The following TRIM44 variants were observed in gnomAD, a reference collection of about 807,000 sequenced individuals.
The protein encoded by TRIM44 is tripartite motif containing 44, also known as tripartite motif-containing protein 44.
TRIM44 carries 13 observed loss-of-function variants against 37.4 expected under a neutral mutation model. That is an observed-to-expected ratio of 0.35 (90% CI 0.23 to 0.55). The LOEUF is 0.55. Among genes scored for constraint, TRIM44 ranks in the 20% least tolerant of loss-of-function variants. The pLI, the probability that TRIM44 is intolerant of heterozygous loss-of-function variation, is 0.89. For synonymous variants in TRIM44, 175 were observed against 157.2 expected (o/e 1.11, Z -0.85); for missense variants, 426 against 437.2 (o/e 0.97, Z 0.23).
chr11:35,775,801 C>T (rs1392829249), intron 4 of TRIM44, among the ~76,000 whole-genome samples: 2 of 152,146 alleles, frequency 1.3e-5, no homozygotes, highest in South Asian at 2.1e-4. Flanking sequence ...GAACCAGCCT[C>T]ACATCCCAGG....
chr11:35,775,769 T>C (rs775368731), intron 4 of TRIM44, among the ~76,000 whole-genome samples: 4 of 152,276 alleles, frequency 2.6e-5, no homozygotes, highest in South Asian at 2.1e-4. Flanking sequence ...TGCTGGATTA[T>C]GTTTATTGAT....
At chr11:35,733,429 A>T (rs961338442) in intron 3 of TRIM44, among the ~76,000 whole-genome samples, 9 of 152,220 alleles carry the variant, frequency 5.9e-5, no homozygotes, top group Admixed American at 3.9e-4. Context: ...TATGTCATTC[A>T]TAGTTATGTA....
At chr11:35,737,324 C>G (rs1427643329) in intron 4 of TRIM44, among the ~76,000 whole-genome samples, 3 of 152,102 alleles carry the variant, frequency 2.0e-5, no homozygotes, top group African/African-American at 7.2e-5. Context: ...TTAACCTGAA[C>G]AGATTTGCAT....
intron 1 of TRIM44, among the ~76,000 whole-genome samples, chr11:35,681,745 C>A (rs1196664314): frequency 3.9e-5 from 6 of 152,076 alleles, no homozygotes; most frequent in Admixed American, 6.6e-5. Flanking sequence ...CTGTTCTGTT[C>A]CACTATCTTT....
intron 3 of TRIM44, among the ~76,000 whole-genome samples, chr11:35,730,055 G>A (rs73438961): frequency 0.046 from 7,079 of 152,268 alleles, 555 homozygotes; most frequent in African/African-American, 0.16. Flanking sequence ...TGGCATAGAT[G>A]TAGGAATTAA....
Position 35,792,072 on chromosome 11 carries a change from TACACACACACACACAC to T in TRIM44, c.1008-14261_1008-14246del, listed in dbSNP as rs57127722. The stretch of plus-strand genomic sequence containing the variant: ...CCATCCCTTCCTGAGGAGTTGCCCC[TACACACACACACACAC>T]ACACACACACACACACACACACACT... On this transcript the variant is annotated intron_variant, in intron 4 of 4. Transcript: ENST00000299413. Among the ~76,000 whole-genome samples, 105 of 136,834 alleles carry T rather than the reference TACACACACACACACAC, an allele frequency of 7.7e-4. 1 individual carries two copies. In the South Asian group the frequency reaches 0.018, roughly 24 times the overall value. 89.8% of individuals were successfully genotyped at this position (136,834 alleles called of 152,430 possible). A position where few individuals can be genotyped will look rare whatever the true frequency, so the allele number is the denominator to read the frequency against.
Position 35,814,656 on chromosome 11 carries a change from T to G in TRIM44, c.*8271T>G, listed in dbSNP as rs1853562032. On this transcript the variant is annotated 3_prime_UTR_variant, in exon 5 of 5. Transcript: ENST00000299413. ...ATATATAGAGATGGTCTAAATCAGCTGCATCCCATTTGGTACCCAGGCAAG... is the reference window on the plus strand; with the variant it reads ...ATATATAGAGATGGTCTAAATCAGCGGCATCCCATTTGGTACCCAGGCAAG... The G allele has an allele frequency of 6.6e-6, 1 of 152,194 alleles. No homozygotes were observed. 9.4% of individuals were successfully genotyped at this position (152,194 alleles called of 1,614,324 possible). A position where few individuals can be genotyped will look rare whatever the true frequency, so the allele number is the denominator to read the frequency against.
intron 2 of TRIM44, among the ~76,000 whole-genome samples, chr11:35,703,919 T>C (rs1009793256): frequency 6.6e-6 from 1 of 152,178 alleles, no homozygotes; most frequent in Non-Finnish European, 1.5e-5. Flanking sequence ...AGAATGACTT[T>C]GACGAGTTGA....
rs543903930 is a variant in TRIM44 at position 35,811,904 on chromosome 11, G to T, written c.*5519G>T. ...TCACCCAACAAGCCAGGCTGGTAAA[G>T]CCCAGGACAGCAGACTCTCTGTCTC... On this transcript the variant is annotated 3_prime_UTR_variant, in exon 5 of 5. Coordinates refer to ENST00000299413, the MANE Select transcript of TRIM44 (RefSeq NM_017583.6). 6.6e-6 allele frequency: 1 copy of T among 152,306 alleles called. No homozygotes were observed. Among genetic ancestry groups the T allele is most frequent in the South Asian group, 2.1e-4 (1 of 4,820 alleles). The allele number at this position is 152,306 out of a possible 1,614,324, so 9.4% of individuals were successfully genotyped here.
At chr11:35,722,391 C>T (rs150879020) in intron 2 of TRIM44, among the ~76,000 whole-genome samples, 1,648 of 152,128 alleles carry the variant, frequency 0.011, 33 homozygotes, top group African/African-American at 0.038. Context: ...GAATTCAGGG[C>T]GAGTCCATAT....
intron 4 of TRIM44, among the ~76,000 whole-genome samples, chr11:35,742,938 G>C (rs1196447346): frequency 1.3e-5 from 2 of 151,356 alleles, no homozygotes; most frequent in Non-Finnish European, 2.9e-5. Context: ...GGTAGAGCCA[G>C]CATTCAAACT....
At position 35,792,111 on chromosome 11, in the gene TRIM44, A is replaced by ACACACACACACACACACACTCTCTCT. The variant is rs796092540; in HGVS notation, c.1008-14246_1008-14245insACACACACACACACACACTCTCTCTC. 2.4e-3 allele frequency among the ~76,000 whole-genome samples: 276 copies of ACACACACACACACACACACTCTCTCT among 114,294 alleles called. 2 individuals are homozygous for ACACACACACACACACACACTCTCTCT. Among genetic ancestry groups the ACACACACACACACACACACTCTCTCT allele is most frequent in the Non-Finnish European group, 3.0e-3 (165 of 54,508 alleles). The allele number at this position is 114,294 out of a possible 152,430, so 75.0% of individuals were successfully genotyped here. A position where few individuals can be genotyped will look rare whatever the true frequency, so the allele number is the denominator to read the frequency against. Reference sequence around the variant, plus strand: ...CACACACACACACACACACACACACACTCTCTCTCATCATTCTCTATTCCA... The same window carrying ACACACACACACACACACACTCTCTCT: ...CACACACACACACACACACACACACACACACACACACACACACACTCTCTCTCTCTCTCTCATCATTCTCTATTCCA... On this transcript the variant is annotated intron_variant, in intron 4 of 4. Transcript: ENST00000299413.
At chr11:35,747,183 A>G (rs2135527825) in intron 4 of TRIM44, among the ~76,000 whole-genome samples, 1 of 152,322 alleles carries the variant, frequency 6.6e-6, no homozygotes, top group Middle Eastern at 3.4e-3. Flanking sequence ...AAAACTCACT[A>G]AGCTGCCAAC....
chr11:35,702,263 C>G (rs748086065), intron 2 of TRIM44, among the ~76,000 whole-genome samples: 2 of 152,190 alleles, frequency 1.3e-5, no homozygotes, highest in African/African-American at 4.8e-5. Flanking sequence ...CCCTGGCTTT[C>G]TGCTGCACAT....
At chr11:35,685,384 A>AT (rs756122149) in intron 2 of TRIM44, 48 bp downstream of exon 2, 1 of 1,509,034 alleles carries the variant, frequency 6.6e-7, no homozygotes, top group Admixed American at 1.7e-5. Flanking sequence ...CAAGCATTTC[A>AT]TTCTCCTTGA....
intron 1 of TRIM44, among the ~76,000 whole-genome samples, chr11:35,678,334 A>G (rs1465939073): frequency 6.6e-6 from 1 of 152,156 alleles, no homozygotes; most frequent in Non-Finnish European, 1.5e-5. Flanking sequence ...TGCCAACTGG[A>G]TATGGCATAT....
intron 3 of TRIM44, among the ~76,000 whole-genome samples, chr11:35,729,435 TACC>T (rs1301834733): frequency 2.0e-5 from 3 of 152,176 alleles, no homozygotes; most frequent in Non-Finnish European, 2.9e-5. Context: ...ACTTCTGCCG[TACC>T]CTGCAGTAAT....
chr11:35,812,707 A>G lies in TRIM44; in HGVS notation c.*6322A>G, dbSNP rs902257919. 2.6e-5 allele frequency: 4 copies of G among 152,324 alleles called. No homozygotes were observed. The highest frequency in any genetic ancestry group is 4.4e-5 in the Non-Finnish European group (3 of 68,160). The allele number at this position is 152,324 out of a possible 1,614,324, so 9.4% of individuals were successfully genotyped here. A position where few individuals can be genotyped will look rare whatever the true frequency, so the allele number is the denominator to read the frequency against. On this transcript the variant is annotated 3_prime_UTR_variant, in exon 5 of 5. Coordinates refer to ENST00000299413, the MANE Select transcript of TRIM44 (RefSeq NM_017583.6). ...GGTGAATAACAACACTGATCCCCCT[A>G]CAACTACCCCCACACATGTACAGTA...
rs188392188 is a variant in TRIM44, at chr11:35,699,799, T to A, written c.747+14463T>A. ...TGTGCAAAAATCACAAGCATTCTTA[T>A]ACACCAATAACAGACAAACAGCCAA... On this transcript the variant is annotated intron_variant, in intron 2 of 4. Transcript: ENST00000299413. Among the ~76,000 whole-genome samples the A allele has an allele frequency of 2.0e-4, 31 of 152,080 alleles. No individual in the cohort carries two copies. The East Asian group carries it at 6.0e-3, about 29-fold the overall frequency.
Sources: gnomAD v4.1 joint callset for allele counts (sites outside exome capture counted in the v4.1 genomes callset) on GRCh38, gnomAD v4.1.1 for gene constraint, MANE v1.5 for transcripts, NCBI Gene and HGNC (gene_info 2026-07-23, HGNC 2026-07-21) for gene names.